Variants in PLXND1 observed in about 807,000 individuals in gnomAD.
The protein encoded by PLXND1 is plexin D1.
In PLXND1, 54 loss-of-function variants were observed where a neutral mutation model predicts 197.7. That is an observed-to-expected ratio of 0.27 (90% confidence interval 0.22 to 0.34). PLXND1 has a LOEUF of 0.34. Ranked by LOEUF, PLXND1 falls within the 10% of genes least tolerant of loss-of-function variation. PLXND1 has a pLI of 1.00. For synonymous variants in PLXND1, 1,180 were observed against 1,161.2 expected (o/e 1.02, Z -0.33); for missense variants, 2,127 against 2,699.2 (o/e 0.79, Z 4.70).
At chr3:129,574,613 G>T in intron 11 of PLXND1, 123 bp from the exon 12 acceptor site, 1 of 996,190 alleles carries the variant, frequency 1.0e-6, no homozygotes, top group African/African-American at 1.6e-5. Flanking sequence ...GCCCCACCCA[G>T]AGGAAGTCCT....
chr3:129,556,830 C>T, intron 34 of PLXND1, 139 bp from the exon 35 acceptor site: 1 of 726,520 alleles, frequency 1.4e-6, no homozygotes, highest in Non-Finnish European at 2.3e-6. Flanking sequence ...CCCCTCAAGT[C>T]CCATGGACGA....
intron 24 of PLXND1, 27 bp downstream of exon 24, chr3:129,565,860 C>T: frequency 4.3e-6 from 7 of 1,611,364 alleles, no homozygotes; most frequent in Non-Finnish European, 5.9e-6. Flanking sequence ...CTCTTCCCTA[C>T]CCCACCCCAG....
At chr3:129,563,347 C>A (rs1004545074) in intron 25 of PLXND1, 107 bp from the exon 26 acceptor site, 12 of 873,850 alleles carry the variant, frequency 1.4e-5, no homozygotes, top group East Asian at 2.7e-5. Context: ...CCAACAGTCT[C>A]CTTTTGGATC....
intron 9 of PLXND1, 109 bp from the exon 10 acceptor site, chr3:129,575,964 G>T: frequency 1.4e-6 from 1 of 711,390 alleles, no homozygotes; most frequent in Non-Finnish European, 2.6e-6. Context: ...AGGTGGGCTT[G>T]GTCGAACTGT....
In PLXND1 at chr3:129,567,600, G is replaced by A. The variant is rs1442231529; in HGVS notation, c.3978C>T (p.Phe1326=). 5.6e-6 allele frequency: 9 copies of A among 1,609,690 alleles called. No homozygotes were observed. Among genetic ancestry groups the A allele is most frequent in the South Asian group, 3.3e-5 (3 of 90,642 alleles). ...CTGTCATGTCTGTCTGCAGCTCAGC[G>A]AAGCCTGGCGGACACACGGACAGCC... ...SQIREEIRKG[F]AELQTDMTDL... The change falls in exon 22 of 36, where the codon TTC becomes TTT. Residue 1326 remains phenylalanine (F), a synonymous_variant. Coordinates refer to ENST00000324093, the MANE Select transcript of PLXND1 (RefSeq NM_015103.3).
At position 129,586,715 on chromosome 3, in the gene PLXND1, T is replaced by A; in HGVS notation, c.1493A>T (p.Asn498Ile). 6.2e-7 allele frequency: 1 copy of A among 1,600,414 alleles called. No homozygotes were observed. ...GTVNGRLLKINLNESMQVVSR... is the reference protein window; with the variant it reads ...GTVNGRLLKIILNESMQVVSR... ...CACCACCTGCATGCTCTCGTTCAGG[T>A]TGATCTGTGGGGGTAGTGGGCATCA... Residue 498 changes from asparagine (N) to isoleucine (I), a missense_variant, in exon 3 of 36, where the codon AAC becomes ATC. By Grantham distance (149) the Asn-to-Ile change is moderately radical. Around this residue, in one of 6 missense-constraint regions of PLXND1, gnomAD observed 1,095 missense variants for 1,259.8 expected, o/e 0.87. Transcript: ENST00000324093.
At chr3:129,592,162 C>T (rs866263981) in intron 1 of PLXND1, among the ~76,000 whole-genome samples, 10 of 152,038 alleles carry the variant, frequency 6.6e-5, no homozygotes, top group Admixed American at 3.3e-4. Context: ...CTGACCTACC[C>T]GACTCCATCC....
chr3:129,586,414 C>T (rs1205872618), intron 3 of PLXND1, 142 bp from the exon 4 acceptor site: 5 of 1,049,244 alleles, frequency 4.8e-6, no homozygotes, highest in African/African-American at 1.6e-5. Flanking sequence ...GGAGACAAGG[C>T]TTCCCTGCAG....
intron 2 of PLXND1, 44 bp downstream of exon 2, chr3:129,589,307 G>GCCGGGCCCCC: frequency 2.6e-5 from 18 of 684,690 alleles, no homozygotes; most frequent in Middle Eastern, 4.3e-4. Context: ...TCCCAGGGGA[G>GCCGGGCCCCC]CCTCCCACCC....
At chr3:129,598,320 T>C (rs2085657680) in intron 1 of PLXND1, among the ~76,000 whole-genome samples, 1 of 152,116 alleles carries the variant, frequency 6.6e-6, no homozygotes, top group Non-Finnish European at 1.5e-5. Flanking sequence ...GTGTGGCATC[T>C]GTCTGATGTC....
Position 129,605,512 on chromosome 3 carries a change from C to T in PLXND1, c.1128G>A (p.Gln376=). 2.6e-6 allele frequency: 4 copies of T among 1,511,406 alleles called. No individual in the cohort carries two copies. Among genetic ancestry groups the T allele is most frequent in the Non-Finnish European group, 3.5e-6 (4 of 1,136,754 alleles). 93.6% of individuals were successfully genotyped at this position (1,511,406 alleles called of 1,614,324 possible). ...ERLFAVFERP[Q]GSPAARAAPA... is the part of the protein sequence containing the mutation. ...GAGCAGCGCGGGCCGCGGGGGACCC[C>T]TGGGGCCGCTCGAAGACAGCAAAGA... The change falls in exon 1 of 36, where the codon CAG becomes CAA. Residue 376 remains glutamine (Q), a synonymous_variant. Coordinates refer to ENST00000324093, the MANE Select transcript of PLXND1 (RefSeq NM_015103.3).
chr3:129,566,210 G>A (rs1024630284), intron 23 of PLXND1, 193 bp from the exon 24 acceptor site: 8 of 628,824 alleles, frequency 1.3e-5, no homozygotes, highest in Non-Finnish European at 2.2e-5. Flanking sequence ...CTCAGAGAAG[G>A]GTAAGGGTGC....
At chr3:129,580,942 G>A (rs954824447) in intron 8 of PLXND1, among the ~76,000 whole-genome samples, 12 of 152,030 alleles carry the variant, frequency 7.9e-5, no homozygotes, top group South Asian at 2.1e-4. Flanking sequence ...CCCCAGGGAA[G>A]CTACCTCATC....
At chr3:129,566,701 A>G in intron 22 of PLXND1, 70 bp from the exon 23 acceptor site, 2 of 925,498 alleles carry the variant, frequency 2.2e-6, no homozygotes, top group South Asian at 3.1e-5. Context: ...GGTCACTCAC[A>G]CAGAAAGGGG....
At chr3:129,585,284 G>C (rs1260845924) in intron 5 of PLXND1, among the ~76,000 whole-genome samples, 1 of 152,176 alleles carries the variant, frequency 6.6e-6, no homozygotes, top group African/African-American at 2.4e-5. Flanking sequence ...AGCCCCCCAG[G>C]GTGAGAGAAG....
At position 129,570,770 on chromosome 3, in the gene PLXND1, C is replaced by T. The variant is rs371343069; in HGVS notation, c.3750+16G>A. On this transcript the variant is annotated intron_variant, in intron 19 of 35. Coordinates refer to ENST00000324093, the MANE Select transcript of PLXND1 (RefSeq NM_015103.3). The stretch of plus-strand genomic sequence containing the variant: ...TGGGGCCAGGTCTGCCCTGCTCCGG[C>T]GCCCCATCCACTCACTGTGATGGGC... 4.7e-5 allele frequency: 76 copies of T among 1,612,986 alleles called. No homozygotes were observed. The highest frequency in any genetic ancestry group is 1.5e-4 in the Admixed American group (9 of 60,004).
chr3:129,603,138 C>T (rs1234998906), intron 1 of PLXND1, among the ~76,000 whole-genome samples: 2 of 152,218 alleles, frequency 1.3e-5, no homozygotes, highest in Admixed American at 1.3e-4. Context: ...GTGCCCACAG[C>T]GGGCACGGCG....
chr3:129,602,524 C>T (rs756132542), intron 1 of PLXND1, among the ~76,000 whole-genome samples: 11 of 152,216 alleles, frequency 7.2e-5, no homozygotes, highest in African/African-American at 1.7e-4. Flanking sequence ...CATCCGTCCT[C>T]GGCTCACCTG....
Position 129,562,809 on chromosome 3 carries a change from C to T in PLXND1, c.4803G>A (p.Pro1601=), listed in dbSNP as rs143250251. The T allele has an allele frequency of 4.7e-5, 76 of 1,603,786 alleles. No homozygotes were observed. Among genetic ancestry groups the T allele is most frequent in the African/African-American group, 4.5e-4 (34 of 74,852 alleles). ...CACCAAGGTCGACGTCCTCTGCACG[C>T]GGCCACTGGGAGTAGGGCACATTCT... ...FCKNVPYSQW[P]RAEDVDLEWF... The change falls in exon 27 of 36, where the codon CCG becomes CCA. Residue 1601 remains proline (P), a synonymous_variant. Coordinates refer to ENST00000324093, the MANE Select transcript of PLXND1 (RefSeq NM_015103.3).
Sources: gnomAD v4.1 joint callset for allele counts (sites outside exome capture counted in the v4.1 genomes callset) on GRCh38, gnomAD v4.1.1 for gene constraint, gnomAD v4.1.1 regional missense constraint, MANE v1.5 for transcripts, NCBI Gene and HGNC (gene_info 2026-07-23, HGNC 2026-07-21) for gene names.